ELP4: variants seen among roughly 807,000 people sequenced by gnomAD.
ELP4 encodes the protein elongator complex protein 4.
In ELP4, 51 loss-of-function variants were observed where a neutral mutation model predicts 48.9. The observed-to-expected ratio is 1.04, with a 90% CI of 0.83 to 1.32. The LOEUF (loss-of-function observed/expected upper bound fraction) is 1.32. ELP4 is among the 40% of genes most tolerant of loss of function. The pLI, the probability that ELP4 is intolerant of heterozygous loss-of-function variation, is 0.00. For missense variants in ELP4, 519 were observed against 514.6 expected, an observed-to-expected ratio of 1.01 and a Z score of -0.08; for synonymous variants, 210 against 189.2, an observed-to-expected ratio of 1.11 and a Z score of -0.90.
At chr11:31,558,623 C>A (rs1480809770) in intron 3 of ELP4, among the ~76,000 whole-genome samples, 2 of 152,108 alleles carry the variant, frequency 1.3e-5, no homozygotes, top group Admixed American at 6.6e-5. Flanking sequence ...AGCTGCAAGA[C>A]CCTGCCTAAG....
At chr11:31,734,715 G>T (rs541380883) in intron 9 of ELP4, among the ~76,000 whole-genome samples, 1 of 152,212 alleles carries the variant, frequency 6.6e-6, no homozygotes, top group Non-Finnish European at 1.5e-5. Flanking sequence ...AATTAAAGCA[G>T]ACATAAACAA....
chr11:31,545,932 G>A (rs1956701825), intron 3 of ELP4, among the ~76,000 whole-genome samples: 1 of 151,934 alleles, frequency 6.6e-6, no homozygotes, highest in African/African-American at 2.4e-5. Flanking sequence ...ACAAGCAAAT[G>A]CTGAGGGATT....
chr11:31,580,871 C>G (rs966590093), intron 3 of ELP4: 1 of 152,156 alleles, frequency 6.6e-6, no homozygotes, highest in Non-Finnish European at 1.5e-5. Flanking sequence ...ACCATGTTGC[C>G]AAGGCTGGTC....
chr11:31,553,300 A>T (rs1956879923), intron 3 of ELP4, among the ~76,000 whole-genome samples: 1 of 152,122 alleles, frequency 6.6e-6, no homozygotes, highest in Non-Finnish European at 1.5e-5. Context: ...ATATTATTCT[A>T]GGTGTTCCTG....
At chr11:31,759,139 T>C (rs1565143828) in intron 9 of ELP4, among the ~76,000 whole-genome samples, 1 of 152,194 alleles carries the variant, frequency 6.6e-6, no homozygotes. Context: ...CTGTTACCTA[T>C]ACAACAAATA....
intron 1 of ELP4, among the ~76,000 whole-genome samples, chr11:31,515,414 A>G (rs1037641364): frequency 2.2e-4 from 33 of 152,284 alleles, no homozygotes; most frequent in African/African-American, 7.2e-4. Context: ...TTGGGAGGCC[A>G]AGGCTGGAGG....
intron 9 of ELP4, among the ~76,000 whole-genome samples, chr11:31,687,242 A>G (rs1439710145): frequency 6.6e-6 from 1 of 152,208 alleles, no homozygotes; most frequent in Non-Finnish European, 1.5e-5. Flanking sequence ...AAGGAGATAC[A>G]TGATCCAGAG....
At chr11:31,742,139 G>C (rs1359815486) in intron 9 of ELP4, among the ~76,000 whole-genome samples, 1 of 152,086 alleles carries the variant, frequency 6.6e-6, no homozygotes, top group African/African-American at 2.4e-5. Flanking sequence ...TGGAAGAAAG[G>C]GTATCAGTGA....
At position 31,783,735 on chromosome 11, in the gene ELP4, AAAT is replaced by A. The variant is rs1307847369; in HGVS notation, c.*215_*217del. The A allele has an allele frequency of 2.3e-6, 1 of 434,552 alleles. No homozygotes were observed. Among genetic ancestry groups the A allele is most frequent in the Non-Finnish European group, 4.0e-6 (1 of 247,600 alleles). 26.9% of individuals were successfully genotyped at this position (434,552 alleles called of 1,614,324 possible). A position where few individuals can be genotyped will look rare whatever the true frequency, so the allele number is the denominator to read the frequency against. ...AAATTTTTCCTTCATGCTCTAGAGA[AAAT>A]AATTTTATTTTTAAATAAACGCCAA... On this transcript the variant is annotated 3_prime_UTR_variant, in exon 10 of 10. Transcript: ENST00000640961.
At chr11:31,724,556 A>C (rs1947035212) in intron 9 of ELP4, among the ~76,000 whole-genome samples, 1 of 152,198 alleles carries the variant, frequency 6.6e-6, no homozygotes, top group Non-Finnish European at 1.5e-5. Context: ...GACAGATCCT[A>C]ATAATTCTCA....
At chr11:31,759,711 CT>C (rs371425015) in intron 9 of ELP4, among the ~76,000 whole-genome samples, 9,829 of 143,126 alleles carry the variant, frequency 0.069, 723 homozygotes, top group African/African-American at 0.2. Flanking sequence ...TTTCTTTTTT[CT>C]TTTTTTTTTT....
chr11:31,533,818 T>TTTTTTG (rs1565039291), intron 2 of ELP4, among the ~76,000 whole-genome samples: 2 of 151,502 alleles, frequency 1.3e-5, no homozygotes, highest in African/African-American at 4.9e-5. Flanking sequence ...GGTAAGAGTT[T>TTTTTTG]TTTTTGTTTT....
intron 9 of ELP4, chr11:31,767,221 C>T (rs1300799448): frequency 1.3e-5 from 2 of 152,106 alleles, no homozygotes; most frequent in Non-Finnish European, 2.9e-5. Context: ...GGAACATTCC[C>T]ATTGCATACC....
chr11:31,767,886 A>G (rs1456668672), intron 9 of ELP4: 1 of 152,196 alleles, frequency 6.6e-6, no homozygotes, highest in Non-Finnish European at 1.5e-5. Context: ...AGGCACGTAG[A>G]AAGAGGGCTC....
chr11:31,787,166 C>G lies in ELP4; in HGVS notation c.*3642C>G, dbSNP rs952202859. ...ACAGCTCATGTCCCTAGGGTGTGGG[C>G]AGAAGGCAAGGCAGCCGTTCCCATC... On this transcript the variant is annotated 3_prime_UTR_variant, in exon 10 of 10. Coordinates refer to ENST00000640961, the MANE Select transcript of ELP4 (RefSeq NM_019040.5). The G allele has an allele frequency of 8.6e-6, 2 of 232,728 alleles. No homozygotes were observed. Among genetic ancestry groups the G allele is most frequent in the Non-Finnish European group, 1.7e-5 (2 of 117,732 alleles). 14.4% of individuals were successfully genotyped at this position (232,728 alleles called of 1,614,324 possible).
At chr11:31,596,953 T>G (rs1957680001) in intron 4 of ELP4, among the ~76,000 whole-genome samples, 1 of 152,208 alleles carries the variant, frequency 6.6e-6, no homozygotes, top group African/African-American at 2.4e-5. Context: ...ACTGTCCTGC[T>G]ATTTTTCTCT....
At chr11:31,630,185 TAG>T (rs1190615431) in intron 6 of ELP4, among the ~76,000 whole-genome samples, 1 of 151,502 alleles carries the variant, frequency 6.6e-6, no homozygotes, top group Non-Finnish European at 1.5e-5. Flanking sequence ...TTTAGGTCCT[TAG>T]AGTCAGGAAG....
intron 5 of ELP4, among the ~76,000 whole-genome samples, chr11:31,612,900 G>T (rs572884653): frequency 9.2e-5 from 14 of 152,220 alleles, no homozygotes; most frequent in Admixed American, 3.3e-4. Context: ...AAGTGGAGGA[G>T]GAGTGATTTG....
chr11:31,586,466 A>T (rs1464570966), intron 3 of ELP4, among the ~76,000 whole-genome samples: 1 of 152,216 alleles, frequency 6.6e-6, no homozygotes, highest in African/African-American at 2.4e-5. Flanking sequence ...ATGCAGAAAA[A>T]GCAAGTCATC....
Sources: gnomAD v4.1 joint callset for allele counts (sites outside exome capture counted in the v4.1 genomes callset) on GRCh38, gnomAD v4.1.1 for gene constraint, MANE v1.5 for transcripts, NCBI Gene and HGNC (gene_info 2026-07-23, HGNC 2026-07-21) for gene names.